SETD3: variants seen among roughly 807,000 people sequenced by gnomAD.
SETD3 encodes the protein actin-histidine N-methyltransferase.
Under a neutral mutation model 63.0 loss-of-function variants are expected in SETD3, and 19 were observed. That is an observed-to-expected ratio of 0.30 (90% CI 0.21 to 0.44). The LOEUF (loss-of-function observed/expected upper bound fraction) is 0.44. SETD3 is among the 20% of genes least tolerant of loss of function. SETD3 has a pLI of 1.00. For synonymous variants in SETD3, 286 were observed against 264.1 expected (o/e 1.08, Z -0.80); for missense variants, 587 against 728.5 (o/e 0.81, Z 2.24).
At chr14:99,424,056 G>A (rs749676669) in intron 6 of SETD3, among the ~76,000 whole-genome samples, 9 of 151,818 alleles carry the variant, frequency 5.9e-5, no homozygotes, top group Non-Finnish European at 7.4e-5. Flanking sequence ...TTCAATGAAA[G>A]AATAGTTTAA....
chr14:99,463,101 T>G (rs1422569459), intron 3 of SETD3, among the ~76,000 whole-genome samples: 1 of 152,252 alleles, frequency 6.6e-6, no homozygotes, highest in Non-Finnish European at 1.5e-5. Context: ...GAGTTCATTA[T>G]AAACCTTGCT....
chr14:99,475,212 G>A (rs546779553), intron 1 of SETD3, among the ~76,000 whole-genome samples: 5 of 152,298 alleles, frequency 3.3e-5, no homozygotes, highest in African/African-American at 1.2e-4. Flanking sequence ...TAAAACCAAG[G>A]AGCAACAGGA....
At position 99,424,870 on chromosome 14, in the gene SETD3, T is replaced by C. The variant is rs79758763; in HGVS notation, c.676-10936A>G. On this transcript the variant is annotated intron_variant, in intron 6 of 12. Transcript: ENST00000331768. ...CCGGTAAGACACAACTGTGCCTTTCTCCAGGCAGGAAGGAGACTCACCGGC... is the reference window on the plus strand; with the variant it reads ...CCGGTAAGACACAACTGTGCCTTTCCCCAGGCAGGAAGGAGACTCACCGGC... Among the ~76,000 whole-genome samples the C allele has an allele frequency of 3.6e-3, 550 of 152,150 alleles. 11 individuals carry two copies. In the East Asian group the frequency reaches 0.074, roughly 20 times the overall value.
intron 7 of SETD3, chr14:99,413,282 G>GTT: frequency 2.0e-6 from 1 of 503,662 alleles, no homozygotes; most frequent in South Asian, 2.5e-5. Context: ...AAGGCAGACT[G>GTT]TTCCCAAGAA....
At chr14:99,461,433 C>T in intron 3 of SETD3, 93 bp from the exon 4 acceptor site, 1 of 1,296,432 alleles carries the variant, frequency 7.7e-7, no homozygotes, top group Non-Finnish European at 1.1e-6. Flanking sequence ...CCATAACTAA[C>T]ACTGGAAATA....
At chr14:99,481,778 A>G (rs1896333083), upstream of SETD3, among the ~76,000 whole-genome samples, 1 of 152,184 alleles carries the variant, frequency 6.6e-6, no homozygotes, top group Non-Finnish European at 1.5e-5. Context: ...GGTTGGGCAA[A>G]AGGGGCAGCG....
chr14:99,423,828 G>A (rs1304073407), intron 6 of SETD3, among the ~76,000 whole-genome samples: 15 of 152,078 alleles, frequency 9.9e-5, no homozygotes, highest in Admixed American at 9.8e-4. Flanking sequence ...GAACGGCCAA[G>A]GGATATCCAA....
chr14:99,398,535 TAAA>T lies in SETD3; in HGVS notation c.*141_*143del. ...GGGAAGCTAGATTTTTAAAATAACT[TAAA>T]AAAACCATTTTTATATAAAGCAGCA... On this transcript the variant is annotated 3_prime_UTR_variant, in exon 13 of 13. Transcript: ENST00000331768. The T allele has an allele frequency of 4.8e-6, 4 of 831,916 alleles. No individual in the cohort carries two copies. The South Asian group carries it at 8.2e-5, about 17-fold the overall frequency. The allele number at this position is 831,916 out of a possible 1,614,324, so 51.5% of individuals were successfully genotyped here.
intron 6 of SETD3, among the ~76,000 whole-genome samples, chr14:99,457,799 T>A (rs1894843775): frequency 6.6e-6 from 1 of 152,240 alleles, no homozygotes; most frequent in Non-Finnish European, 1.5e-5. Flanking sequence ...GAGATTTCTA[T>A]GAGAAACTTT....
chr14:99,405,055 C>T (rs976735581), intron 10 of SETD3, 150 bp downstream of exon 10: 6 of 1,100,036 alleles, frequency 5.5e-6, no homozygotes, highest in East Asian at 5.1e-5. Context: ...CACCAAGCGT[C>T]GCCATGGCTT....
In SETD3 at chr14:99,398,558, G is replaced by T; in HGVS notation, c.*121C>A. The T allele has an allele frequency of 1.1e-6, 1 of 944,728 alleles. No individual in the cohort carries two copies. The highest frequency in any genetic ancestry group is 1.6e-6 in the Non-Finnish European group (1 of 639,114). 58.5% of individuals were successfully genotyped at this position (944,728 alleles called of 1,614,324 possible). A position where few individuals can be genotyped will look rare whatever the true frequency, so the allele number is the denominator to read the frequency against. On this transcript the variant is annotated 3_prime_UTR_variant, in exon 13 of 13. Coordinates refer to ENST00000331768, the MANE Select transcript of SETD3 (RefSeq NM_032233.3). ...CTTAAAAAAACCATTTTTATATAAA[G>T]CAGCAAAAACATATCTTCCTCTCTG...
At chr14:99,432,359 A>G (rs1168701675) in intron 6 of SETD3, among the ~76,000 whole-genome samples, 3 of 152,242 alleles carry the variant, frequency 2.0e-5, no homozygotes, top group Admixed American at 6.5e-5. Context: ...TTCTAATCTG[A>G]AAGTTAAAAA....
At chr14:99,467,370 G>A (rs1012107764) in intron 1 of SETD3, among the ~76,000 whole-genome samples, 1 of 152,204 alleles carries the variant, frequency 6.6e-6, no homozygotes, top group South Asian at 2.1e-4. Flanking sequence ...CTTTTCCTAT[G>A]CTTAAGAAAT....
chr14:99,456,039 C>T (rs1894740703), intron 6 of SETD3, among the ~76,000 whole-genome samples: 1 of 152,146 alleles, frequency 6.6e-6, no homozygotes, highest in Non-Finnish European at 1.5e-5. Flanking sequence ...GCCTGTAGTC[C>T]CAGCTACTGG....
intron 6 of SETD3, among the ~76,000 whole-genome samples, chr14:99,447,286 C>G (rs1165216649): frequency 6.6e-6 from 1 of 152,172 alleles, no homozygotes; most frequent in African/African-American, 2.4e-5. Flanking sequence ...TTCATTTCTT[C>G]AGTCCCCCAA....
intron 1 of SETD3, among the ~76,000 whole-genome samples, chr14:99,479,072 C>A (rs1308813713): frequency 2.0e-5 from 3 of 152,194 alleles, no homozygotes; most frequent in African/African-American, 7.2e-5. Flanking sequence ...ATCTTCAAAT[C>A]CAACACCACT....
At chr14:99,418,268 T>C (rs2139655684) in intron 6 of SETD3, among the ~76,000 whole-genome samples, 1 of 152,300 alleles carries the variant, frequency 6.6e-6, no homozygotes, top group African/African-American at 2.4e-5. Context: ...AAAAAAACCA[T>C]AATGCCATGC....
intron 12 of SETD3, among the ~76,000 whole-genome samples, chr14:99,399,846 G>A (rs536769760): frequency 1.3e-3 from 194 of 149,070 alleles, no homozygotes; most frequent in African/African-American, 4.5e-3. Flanking sequence ...CGCCTCCTGG[G>A]TTCAAGCGAT....
chr14:99,451,214 C>A (rs1368639237), intron 6 of SETD3, among the ~76,000 whole-genome samples: 1 of 152,226 alleles, frequency 6.6e-6, no homozygotes, highest in Admixed American at 6.5e-5. Context: ...AAAGTCTCAA[C>A]TTACAGCTGA....
Sources: allele counts gnomAD v4.1 joint callset (sites outside exome capture counted in the v4.1 genomes callset), GRCh38; gene constraint gnomAD v4.1.1; transcripts MANE v1.5; gene names NCBI Gene and HGNC (gene_info 2026-07-23, HGNC 2026-07-21).